The following ABCC2 variants were observed in gnomAD, a reference collection of about 807,000 sequenced individuals.
ABCC2 encodes ATP binding cassette subfamily C member 2.
A neutral mutation model predicts 173.4 loss-of-function variants in ABCC2; 157 were observed. The observed-to-expected ratio is 0.91, with a 90% CI of 0.80 to 1.03. The LOEUF (loss-of-function observed/expected upper bound fraction) is 1.03. ABCC2 is among the 50% of genes least tolerant of loss of function. The probability of loss-of-function intolerance (pLI) is 0.00; values close to 1 mark genes in which losing one functional copy is unlikely to be tolerated. For synonymous variants in ABCC2, 657 were observed against 693.5 expected, an observed-to-expected ratio of 0.95 and a Z score of 0.83; for missense variants, 1,822 against 1,852.3, an observed-to-expected ratio of 0.98 and a Z score of 0.30.
intron 2 of ABCC2, among the ~76,000 whole-genome samples, chr10:99,791,559 G>A (rs1276899151): frequency 6.6e-6 from 1 of 152,192 alleles, no homozygotes; most frequent in East Asian, 1.9e-4. Flanking sequence ...AAGAATTTGG[G>A]AGCAGCTTAC....
At position 99,835,959 on chromosome 10, in the gene ABCC2, C is replaced by A; in HGVS notation, c.3415-132C>A. The A allele has an allele frequency of 1.7e-5, 15 of 877,234 alleles. No homozygotes were observed. The South Asian group carries it at 2.1e-4, about 12-fold the overall frequency. 54.3% of individuals were successfully genotyped at this position (877,234 alleles called of 1,614,324 possible). ...CATTCTGCTCCCAGACATGGCACTG[C>A]AGGCTTTTGTCTTGTTCAGACGTAA... On this transcript the variant is annotated intron_variant, in intron 24 of 31. Transcript: ENST00000647814.
intron 30 of ABCC2, among the ~76,000 whole-genome samples, chr10:99,850,104 G>A (rs2133157314): frequency 6.6e-6 from 1 of 152,270 alleles, no homozygotes; most frequent in South Asian, 2.1e-4. Context: ...ATAATAAATT[G>A]ATTTGCTAAG....
Position 99,793,664 on chromosome 10 carries a change from T to C in ABCC2, c.447T>C (p.Thr149=), listed in dbSNP as rs1271497977. Reference sequence around the variant, plus strand: ...TCTGTGGCACTTTCCAATTTCAGACTCTGATCCGGACACTCTTACAGGTAA... The same window carrying C: ...TCTGTGGCACTTTCCAATTTCAGACCCTGATCCGGACACTCTTACAGGTAA... ...SILCGTFQFQ[T]LIRTLLQGDN... Residue 149 remains threonine, a synonymous_variant, in exon 4 of 32, where the codon ACT becomes ACC. Coordinates refer to ENST00000647814, the MANE Select transcript of ABCC2 (RefSeq NM_000392.5). The C allele has an allele frequency of 1.2e-6, 2 of 1,613,934 alleles. No homozygotes were observed. The highest frequency in any genetic ancestry group is 1.7e-6 in the Non-Finnish European group (2 of 1,179,998).
chr10:99,845,873 C>A, intron 29 of ABCC2, 91 bp downstream of exon 29: 1 of 1,366,664 alleles, frequency 7.3e-7, no homozygotes, highest in South Asian at 1.2e-5. Flanking sequence ...TCTGTTCAGT[C>A]AGCACTGTCA....
intron 19 of ABCC2, among the ~76,000 whole-genome samples, chr10:99,819,831 C>G (rs1465003681): frequency 6.6e-6 from 1 of 152,174 alleles, no homozygotes; most frequent in Non-Finnish European, 1.5e-5. Context: ...CCTCTAATAT[C>G]ACCACCATTG....
chr10:99,792,497 T>C (rs1474092649), intron 3 of ABCC2, 138 bp downstream of exon 3: 1 of 1,369,454 alleles, frequency 7.3e-7, no homozygotes, highest in Non-Finnish European at 1.0e-6. Context: ...CAAAGCTTGG[T>C]TGGAATGGGG....
In ABCC2 at chr10:99,808,370, G is replaced by T. The variant is rs2038150609; in HGVS notation, c.1815+141G>T. 5 of 1,126,220 alleles carry T rather than the reference G, an allele frequency of 4.4e-6. No individual in the cohort carries two copies. In the Admixed American group the frequency reaches 9.1e-5, roughly 21 times the overall value. 69.8% of individuals were successfully genotyped at this position (1,126,220 alleles called of 1,614,324 possible). On this transcript the variant is annotated intron_variant, in intron 13 of 31. Coordinates refer to ENST00000647814, the MANE Select transcript of ABCC2 (RefSeq NM_000392.5). ...ATCTGTTTGGTCTCTGGAGACCAATGGTTTGACCTTAATAAAATCATGAGT... is the reference window on the plus strand; with the variant it reads ...ATCTGTTTGGTCTCTGGAGACCAATTGTTTGACCTTAATAAAATCATGAGT...
intron 12 of ABCC2, 52 bp downstream of exon 12, chr10:99,807,573 CTTCCT>C: frequency 8.1e-6 from 13 of 1,612,176 alleles, no homozygotes; most frequent in Non-Finnish European, 1.1e-5. Context: ...CCTGCATCAG[CTTCCT>C]GAAGAGGAAG....
intron 2 of ABCC2, among the ~76,000 whole-genome samples, chr10:99,786,851 A>G (rs1416969860): frequency 6.6e-5 from 10 of 152,144 alleles, no homozygotes; most frequent in Non-Finnish European, 1.5e-4. Context: ...AAAAATACAA[A>G]AATTAGCCAG....
Position 99,834,370 on chromosome 10 carries a change from G to A in ABCC2, c.3259-10G>A, listed in dbSNP as rs376318452. The A allele has an allele frequency of 3.1e-5, 50 of 1,613,740 alleles. No homozygotes were observed. Among genetic ancestry groups the A allele is most frequent in the Non-Finnish European group, 3.9e-5 (46 of 1,179,864 alleles). ...CAGTGATGGTGTATCTCTCCTAATC[G>A]TTTTCCTAGGATATTTCCACAGTGG... On this transcript the variant is annotated splice_polypyrimidine_tract_variant and intron_variant, in intron 23 of 31. Transcript: ENST00000647814.
intron 6 of ABCC2, among the ~76,000 whole-genome samples, chr10:99,795,737 AG>A (rs749887703): frequency 7.3e-6 from 1 of 137,510 alleles, no homozygotes; most frequent in African/African-American, 2.7e-5. Context: ...GAAAGAAAGA[AG>A]GAAAGAAAGA....
intron 27 of ABCC2, 124 bp from the exon 28 acceptor site, chr10:99,844,198 C>T (rs1291381379): frequency 1.7e-6 from 2 of 1,190,772 alleles, no homozygotes; most frequent in Admixed American, 1.8e-5. Flanking sequence ...CTATTAAATG[C>T]AGAGGCCATT....
intron 13 of ABCC2, among the ~76,000 whole-genome samples, chr10:99,809,549 A>G (rs2038173111): frequency 6.6e-6 from 1 of 152,232 alleles, no homozygotes; most frequent in Non-Finnish European, 1.5e-5. Context: ...CCATCTCATG[A>G]CAGCCTCTTT....
intron 21 of ABCC2, 110 bp from the exon 22 acceptor site, chr10:99,831,501 C>A: frequency 1.9e-6 from 2 of 1,072,540 alleles, no homozygotes; most frequent in Non-Finnish European, 2.9e-6. Context: ...TTGCTACCTG[C>A]TACCCATGCT....
chr10:99,816,223 C>T (rs1169051271), intron 16 of ABCC2, among the ~76,000 whole-genome samples: 1 of 152,192 alleles, frequency 6.6e-6, no homozygotes, highest in Non-Finnish European at 1.5e-5. Flanking sequence ...GCCTCAGCCT[C>T]CCAGTGTGCT....
chr10:99,805,352 A>G (rs2038082062), intron 10 of ABCC2, 30 bp from the exon 11 acceptor site: 11 of 1,599,308 alleles, frequency 6.9e-6, no homozygotes, highest in African/African-American at 1.3e-5. Flanking sequence ...GGAAGCGTAT[A>G]TTGTTTTTCT....
chr10:99,832,580 G>A (rs1378311575), intron 23 of ABCC2, among the ~76,000 whole-genome samples: 1 of 152,152 alleles, frequency 6.6e-6, no homozygotes, highest in African/African-American at 2.4e-5. Context: ...ATTCTGCAGA[G>A]GAAGGAACAT....
intron 5 of ABCC2, 75 bp from the exon 6 acceptor site, chr10:99,794,338 C>A: frequency 7.6e-7 from 1 of 1,314,086 alleles, no homozygotes; most frequent in Non-Finnish European, 1.1e-6. Flanking sequence ...ATTAAAAAAT[C>A]AGTTTCTGAT....
At chr10:99,793,829 CG>C in intron 4 of ABCC2, 62 bp from the exon 5 acceptor site, 1 of 1,564,676 alleles carries the variant, frequency 6.4e-7, no homozygotes, top group Non-Finnish European at 8.8e-7. Context: ...TTGATATATA[CG>C]GGCCATGTAG....
Sources: gnomAD v4.1 joint callset for allele counts (sites outside exome capture counted in the v4.1 genomes callset) on GRCh38, gnomAD v4.1.1 for gene constraint, MANE v1.5 for transcripts, NCBI Gene and HGNC (gene_info 2026-07-23, HGNC 2026-07-21) for gene names.